The following TUBA1C variants were observed in gnomAD, a reference collection of about 807,000 sequenced individuals.
TUBA1C encodes the protein tubulin alpha 1c, also known as tubulin alpha-1C chain.
Under a neutral mutation model 34.9 loss-of-function variants are expected in TUBA1C, and 16 were observed. That is an observed-to-expected ratio of 0.46 (90% CI 0.31 to 0.70). The LOEUF is 0.70. TUBA1C is among the 30% of genes least tolerant of loss of function. The probability of loss-of-function intolerance (pLI) is 0.05; values close to 1 mark genes in which losing one functional copy is unlikely to be tolerated. For missense variants in TUBA1C, 329 were observed against 587.3 expected (o/e 0.56, Z 4.55); for synonymous variants, 177 against 215.9 (o/e 0.82, Z 1.58).
chr12:49,230,236 T>C (rs1490829482), intron 1 of TUBA1C, among the ~76,000 whole-genome samples: 1 of 152,222 alleles, frequency 6.6e-6, no homozygotes, highest in East Asian at 1.9e-4. Context: ...TCTGTGCTTT[T>C]GAAATGGTTT....
chr12:49,238,595 A>G (rs1317646497), intron 1 of TUBA1C, among the ~76,000 whole-genome samples: 1 of 152,194 alleles, frequency 6.6e-6, no homozygotes, highest in East Asian at 1.9e-4. Flanking sequence ...AGAATGGCTC[A>G]CACAACTCAA....
chr12:49,244,589 G>C (rs888999608), intron 1 of TUBA1C, among the ~76,000 whole-genome samples: 1 of 151,612 alleles, frequency 6.6e-6, no homozygotes, highest in Non-Finnish European at 1.5e-5. Context: ...TTGAGATGGA[G>C]TTTCATTCTT....
intron 1 of TUBA1C, among the ~76,000 whole-genome samples, chr12:49,265,911 T>TTGGGAGGCTGAGGCTGGTGGATCAC (rs1165156819): frequency 2.7e-5 from 4 of 148,956 alleles, no homozygotes; most frequent in African/African-American, 2.5e-5. Flanking sequence ...TCCCAGCACT[T>TTGGGAGGCTGAGGCTGGTGGATCAC]GTTCGAGACA....
chr12:49,253,696 T>G (rs917754938), intron 1 of TUBA1C, among the ~76,000 whole-genome samples: 1 of 152,022 alleles, frequency 6.6e-6, no homozygotes, highest in Non-Finnish European at 1.5e-5. Context: ...CCATGCTAAT[T>G]TTAAATTTTT....
At chr12:49,236,192 A>C (rs1211477764) in intron 1 of TUBA1C, among the ~76,000 whole-genome samples, 1 of 152,254 alleles carries the variant, frequency 6.6e-6, no homozygotes, top group Non-Finnish European at 1.5e-5. Flanking sequence ...TCTATTTAGA[A>C]GACTTCAGGC....
At chr12:49,229,870 C>T (rs954642444) in intron 1 of TUBA1C, among the ~76,000 whole-genome samples, 1 of 152,074 alleles carries the variant, frequency 6.6e-6, no homozygotes, top group Non-Finnish European at 1.5e-5. Context: ...TTACTACAAC[C>T]TCTGCCTCCT....
At chr12:49,233,226 A>G (rs1194600808) in intron 1 of TUBA1C, 1 of 152,294 alleles carries the variant, frequency 6.6e-6, no homozygotes, top group Non-Finnish European at 1.5e-5. Flanking sequence ...CACAGTATCA[A>G]CGTTATCAGC....
intron 1 of TUBA1C, among the ~76,000 whole-genome samples, chr12:49,257,493 G>T (rs369014976): frequency 6.6e-6 from 1 of 151,626 alleles, no homozygotes; most frequent in African/African-American, 2.4e-5. Context: ...TTAATTTTAC[G>T]TTTGCAGGCC....
chr12:49,239,585 G>A (rs1048566704), intron 1 of TUBA1C, among the ~76,000 whole-genome samples: 16 of 150,854 alleles, frequency 1.1e-4, no homozygotes, highest in African/African-American at 2.4e-4. Flanking sequence ...AGGTCGCAGC[G>A]AACTGAGATT....
chr12:49,256,406 C>T, intron 1 of TUBA1C: 1 of 454,596 alleles, frequency 2.2e-6, no homozygotes, highest in Non-Finnish European at 4.4e-6. Flanking sequence ...GTGTGTGAAC[C>T]CAGCTCTGTC....
At chr12:49,234,503 T>C (rs1942528855) in intron 1 of TUBA1C, among the ~76,000 whole-genome samples, 1 of 152,232 alleles carries the variant, frequency 6.6e-6, no homozygotes, top group Non-Finnish European at 1.5e-5. Context: ...CCTTGGTTAG[T>C]ACGGTGACGT....
At chr12:49,257,862 ATT>A (rs550187175) in intron 1 of TUBA1C, 330 of 168,020 alleles carry the variant, frequency 2.0e-3, no homozygotes, top group South Asian at 0.01. Flanking sequence ...AAAGTTTACA[ATT>A]TTTTTTTTTT....
chr12:49,254,796 T>A (rs1942766729), intron 1 of TUBA1C, among the ~76,000 whole-genome samples: 1 of 152,138 alleles, frequency 6.6e-6, no homozygotes, highest in Non-Finnish European at 1.5e-5. Context: ...GTCATGACTT[T>A]GTCTTTCTGG....
chr12:49,258,728 A>C (rs765041730), intron 1 of TUBA1C, among the ~76,000 whole-genome samples: 2 of 151,182 alleles, frequency 1.3e-5, no homozygotes, highest in Non-Finnish European at 2.9e-5. Flanking sequence ...ATGCCCGGCT[A>C]TAAGTAAATA....
chr12:49,228,194 A>G (rs1382074152), intron 1 of TUBA1C: 2 of 1,532,710 alleles, frequency 1.3e-6, no homozygotes, highest in Non-Finnish European at 1.7e-6. Flanking sequence ...ATGTAATGTA[A>G]ATAGCTTCAT....
At position 49,270,025 on chromosome 12, in the gene TUBA1C, T is replaced by C. The variant is rs773855926; in HGVS notation, c.375+49T>C. 5.5e-5 allele frequency: 88 copies of C among 1,614,096 alleles called. 1 individual carries two copies. The South Asian group carries it at 9.6e-4, about 18-fold the overall frequency. On this transcript the variant is annotated intron_variant, in intron 3 of 3. Transcript: ENST00000301072. Reference sequence around the variant, plus strand: ...GTGGGATGAGAGTTTCTTTTGCAGTTCTGAGACCAAACTACAGAAATCATT... The same window carrying C: ...GTGGGATGAGAGTTTCTTTTGCAGTCCTGAGACCAAACTACAGAAATCATT...
chr12:49,235,516 C>T (rs183528417), intron 1 of TUBA1C, among the ~76,000 whole-genome samples: 255 of 152,124 alleles, frequency 1.7e-3, no homozygotes, highest in African/African-American at 5.8e-3. Flanking sequence ...AGGTGGATCA[C>T]CTGAGGTCAG....
chr12:49,273,653 G>T lies in TUBA1C; in HGVS notation c.*426G>T. On this transcript the variant is annotated 3_prime_UTR_variant, in exon 4 of 4. Transcript: ENST00000301072. ...TCCTGCCTCAACCTCTCAAAGTTTT[G>T]ATTATAGGCATGAGCCACTGCCCAG... is the stretch of plus-strand genomic sequence containing the variant. The T allele has an allele frequency of 4.1e-6, 1 of 244,268 alleles. No individual in the cohort carries two copies. Among genetic ancestry groups the T allele is most frequent in the Non-Finnish European group, 8.1e-6 (1 of 123,780 alleles). The allele number at this position is 244,268 out of a possible 1,614,324, so 15.1% of individuals were successfully genotyped here.
In TUBA1C at chr12:49,265,116, A is replaced by C; in HGVS notation, c.-66A>C. 1 of 1,579,874 alleles carries C rather than the reference A, an allele frequency of 6.3e-7. No homozygotes were observed. On this transcript the variant is annotated 5_prime_UTR_variant, in exon 1 of 4. Coordinates refer to ENST00000301072, the MANE Select transcript of TUBA1C (RefSeq NM_032704.5). Reference sequence around the variant, plus strand: ...CCCCCGGACTCCTTGGTAGTCTGTTAGTGGGAGATCCTTGTTGCCGTCCCT... The same window carrying C: ...CCCCCGGACTCCTTGGTAGTCTGTTCGTGGGAGATCCTTGTTGCCGTCCCT...
Sources: allele counts gnomAD v4.1 joint callset (sites outside exome capture counted in the v4.1 genomes callset), GRCh38; gene constraint gnomAD v4.1.1; transcripts MANE v1.5; gene names NCBI Gene and HGNC (gene_info 2026-07-23, HGNC 2026-07-21).